ADAMTS17: variants seen among roughly 807,000 people sequenced by gnomAD.
The protein encoded by ADAMTS17 is ADAM metallopeptidase with thrombospondin type 1 motif 17, also known as A disintegrin and metalloproteinase with thrombospondin motifs 17.
Under a neutral mutation model 141.5 loss-of-function variants are expected in ADAMTS17, and 113 were observed. The ratio of observed to expected loss-of-function variants is 0.80; its 90% CI spans 0.69 to 0.93. The LOEUF is 0.93. Ranked by LOEUF, ADAMTS17 falls within the 40% of genes least tolerant of loss-of-function variation. The probability of loss-of-function intolerance (pLI) is 0.00; values close to 1 mark genes in which losing one functional copy is unlikely to be tolerated. For synonymous variants in ADAMTS17, 768 were observed against 630.6 expected, an observed-to-expected ratio of 1.22 and a Z score of -3.27; for missense variants, 1,659 against 1,517.9, an observed-to-expected ratio of 1.09 and a Z score of -1.54.
At chr15:99,992,345 G>A (rs542123861) in intron 20 of ADAMTS17, among the ~76,000 whole-genome samples, 51 of 152,216 alleles carry the variant, frequency 3.4e-4, no homozygotes, top group Admixed American at 1.1e-3. Flanking sequence ...GGACAAACAC[G>A]GTCTATGCTT....
At chr15:100,060,182 C>T (rs1408141465) in intron 15 of ADAMTS17, among the ~76,000 whole-genome samples, 2 of 152,332 alleles carry the variant, frequency 1.3e-5, no homozygotes, top group Admixed American at 6.5e-5. Context: ...TTGCTCATTT[C>T]GCCTGGGCCA....
At chr15:100,337,143 G>A (rs551466429) in intron 2 of ADAMTS17, among the ~76,000 whole-genome samples, 1 of 152,296 alleles carries the variant, frequency 6.6e-6, no homozygotes, top group African/African-American at 2.4e-5. Flanking sequence ...CAAAGTGCTG[G>A]GATTACAGGC....
At chr15:100,315,713 C>A (rs531692623) in intron 3 of ADAMTS17, among the ~76,000 whole-genome samples, 2 of 151,958 alleles carry the variant, frequency 1.3e-5, no homozygotes, top group East Asian at 3.9e-4. Context: ...TAAAAATACA[C>A]TAAAAGACAA....
intron 8 of ADAMTS17, among the ~76,000 whole-genome samples, chr15:100,190,981 T>A (rs2040896044): frequency 6.6e-6 from 1 of 152,172 alleles, no homozygotes; most frequent in Non-Finnish European, 1.5e-5. Flanking sequence ...GCTCACCGTC[T>A]GCAAAATGTC....
intron 15 of ADAMTS17, among the ~76,000 whole-genome samples, chr15:100,064,326 T>C (rs953877934): frequency 6.6e-6 from 1 of 152,166 alleles, no homozygotes; most frequent in African/African-American, 2.4e-5. Context: ...CTCAGATTTC[T>C]CAACTCCAGA....
At chr15:100,002,408 T>C (rs1028048129) in intron 18 of ADAMTS17, among the ~76,000 whole-genome samples, 1 of 151,952 alleles carries the variant, frequency 6.6e-6, no homozygotes, top group African/African-American at 2.4e-5. Flanking sequence ...ACAGGGTGCA[T>C]GGCCATTCCC....
chr15:100,186,666 C>G (rs1049449464), intron 8 of ADAMTS17, among the ~76,000 whole-genome samples: 2 of 152,240 alleles, frequency 1.3e-5, no homozygotes, highest in Non-Finnish European at 2.9e-5. Context: ...GGTTATCCAA[C>G]TGTTACAAAC....
At chr15:100,339,342 T>A (rs2046296739) in intron 2 of ADAMTS17, among the ~76,000 whole-genome samples, 1 of 152,156 alleles carries the variant, frequency 6.6e-6, no homozygotes, top group African/African-American at 2.4e-5. Context: ...CACCAAGAAG[T>A]ATAAACTCTG....
chr15:100,200,128 C>T (rs1261328168), intron 7 of ADAMTS17, among the ~76,000 whole-genome samples: 2 of 152,242 alleles, frequency 1.3e-5, no homozygotes, highest in African/African-American at 4.8e-5. Flanking sequence ...TGTGTCTCCA[C>T]ACACACATGC....
intron 8 of ADAMTS17, among the ~76,000 whole-genome samples, chr15:100,178,746 C>A (rs932205979): frequency 6.6e-6 from 1 of 152,122 alleles, no homozygotes; most frequent in African/African-American, 2.4e-5. Flanking sequence ...TTACTAGCAA[C>A]AAATTCTATT....
chr15:100,125,155 G>C (rs2037665727), intron 12 of ADAMTS17, among the ~76,000 whole-genome samples: 1 of 152,156 alleles, frequency 6.6e-6, no homozygotes, highest in Non-Finnish European at 1.5e-5. Flanking sequence ...CTGGCTCTGT[G>C]AGCTCTGAGA....
intron 15 of ADAMTS17, among the ~76,000 whole-genome samples, chr15:100,062,085 G>C (rs890054737): frequency 2.0e-5 from 3 of 151,814 alleles, no homozygotes; most frequent in African/African-American, 7.3e-5. Context: ...GTTTTAGAAT[G>C]CATTTTTAAG....
At chr15:100,214,887 G>C (rs1259477323) in intron 7 of ADAMTS17, among the ~76,000 whole-genome samples, 8 of 152,358 alleles carry the variant, frequency 5.3e-5, no homozygotes, top group African/African-American at 1.9e-4. Context: ...GTAAAGCTTT[G>C]CTGTTGCACT....
At chr15:100,323,011 C>T (rs1346340901) in intron 3 of ADAMTS17, among the ~76,000 whole-genome samples, 5 of 142,540 alleles carry the variant, frequency 3.5e-5, no homozygotes, top group Non-Finnish European at 6.0e-5. Context: ...GGCATGGACC[C>T]GGGAGGCGGA....
At chr15:100,011,258 AAAGG>A (rs975440412) in intron 18 of ADAMTS17, among the ~76,000 whole-genome samples, 13 of 86,708 alleles carry the variant, frequency 1.5e-4, no homozygotes, top group African/African-American at 5.1e-4. Flanking sequence ...AAAGAGACAG[AAAGG>A]AAGGAAGGAA....
intron 15 of ADAMTS17, among the ~76,000 whole-genome samples, chr15:100,054,961 C>G (rs986598845): frequency 6.6e-6 from 1 of 152,150 alleles, no homozygotes; most frequent in Non-Finnish European, 1.5e-5. Flanking sequence ...ATGAGGACAG[C>G]ACTCTGCAGT....
At chr15:100,070,374 G>GC (rs1337368019) in intron 15 of ADAMTS17, among the ~76,000 whole-genome samples, 1 of 150,098 alleles carries the variant, frequency 6.7e-6, no homozygotes, top group East Asian at 1.9e-4. Context: ...ATTGAACTCA[G>GC]CTCTGCACCA....
chr15:100,216,741 G>C lies in ADAMTS17; in HGVS notation c.1076-17318C>G, dbSNP rs543958081. 3.4e-4 allele frequency among the ~76,000 whole-genome samples: 52 copies of C among 152,326 alleles called. No homozygotes were observed. In the South Asian group the frequency reaches 7.5e-3, roughly 22 times the overall value. The stretch of plus-strand genomic sequence containing the variant: ...ATGGCGCCCACCTTGGTTAGGTCCT[G>C]ACGTTCCAGGCCCACCTAACAATTC... On this transcript the variant is annotated intron_variant, in intron 7 of 21. Transcript: ENST00000268070.
At chr15:100,290,048 C>T (rs1168955030) in intron 3 of ADAMTS17, among the ~76,000 whole-genome samples, 4 of 152,118 alleles carry the variant, frequency 2.6e-5, no homozygotes, top group Non-Finnish European at 5.9e-5. Context: ...TAAAAGACAT[C>T]ATACAGGAAG....
Sources: allele counts gnomAD v4.1 joint callset (sites outside exome capture counted in the v4.1 genomes callset), GRCh38; gene constraint gnomAD v4.1.1; transcripts MANE v1.5; gene names NCBI Gene and HGNC (gene_info 2026-07-23, HGNC 2026-07-21).